Variants in IL1R1 observed in about 807,000 individuals in gnomAD.
IL1R1 encodes the protein interleukin 1 receptor type 1.
A neutral mutation model predicts 50.2 loss-of-function variants in IL1R1; 22 were observed. The observed-to-expected ratio is 0.44, with a 90% CI of 0.31 to 0.63. IL1R1 has a LOEUF of 0.63. Among genes scored for constraint, IL1R1 ranks in the 20% least tolerant of loss-of-function variants. The probability of loss-of-function intolerance (pLI) is 0.07; values close to 1 mark genes in which losing one functional copy is unlikely to be tolerated. For synonymous variants in IL1R1, 251 were observed against 236.7 expected, an observed-to-expected ratio of 1.06 and a Z score of -0.55; for missense variants, 509 against 676.2, an observed-to-expected ratio of 0.75 and a Z score of 2.74.
intron 1 of IL1R1, among the ~76,000 whole-genome samples, chr2:102,119,017 C>CA (rs56327525): frequency 0.33 from 24,358 of 74,210 alleles, 4,342 homozygotes; most frequent in East Asian, 0.43. Context: ...GACTGTGTCT[C>CA]AAAAAAAAAA....
At chr2:102,073,358 T>A (rs1678821674) in intron 1 of IL1R1, among the ~76,000 whole-genome samples, 1 of 152,066 alleles carries the variant, frequency 6.6e-6, no homozygotes, top group African/African-American at 2.4e-5. Flanking sequence ...CACCAAAAAG[T>A]CCACTAGGCA....
chr2:102,144,357 G>T (rs1320975490), intron 1 of IL1R1, among the ~76,000 whole-genome samples: 2 of 152,132 alleles, frequency 1.3e-5, no homozygotes, highest in Non-Finnish European at 2.9e-5. Flanking sequence ...CCTCCATGCT[G>T]TTCAGGAAAG....
At chr2:102,149,477 C>T (rs1024282538) in intron 1 of IL1R1, among the ~76,000 whole-genome samples, 1 of 152,212 alleles carries the variant, frequency 6.6e-6, no homozygotes, top group African/African-American at 2.4e-5. Context: ...GCGGGCTCTG[C>T]TCTGCAGCTT....
intron 1 of IL1R1, among the ~76,000 whole-genome samples, chr2:102,071,353 CTT>C (rs1374671096): frequency 1.3e-5 from 2 of 152,166 alleles, no homozygotes; most frequent in Admixed American, 6.5e-5. Context: ...ACTTTTCTCT[CTT>C]AACGACTTCT....
At position 102,125,574 on chromosome 2, in the gene IL1R1, A is replaced by G. The variant is rs185006881; in HGVS notation, c.-84+20702A>G. 2.3e-3 allele frequency among the ~76,000 whole-genome samples: 349 copies of G among 152,354 alleles called. 5 individuals carry two copies. The highest frequency in any genetic ancestry group is 0.023 in the Admixed American group (346 of 15,294). Reference sequence around the variant, plus strand: ...ACAAGGAAGAAGTGGGGTATCTAAAAGGGAGAAAGAAACACAGAAAGTTGG... The same window carrying G: ...ACAAGGAAGAAGTGGGGTATCTAAAGGGGAGAAAGAAACACAGAAAGTTGG... On this transcript the variant is annotated intron_variant, in intron 1 of 10. Coordinates refer to the IL1R1 transcript ENST00000409329.
At chr2:102,095,858 C>T (rs865843778) in intron 1 of IL1R1, among the ~76,000 whole-genome samples, 2 of 152,086 alleles carry the variant, frequency 1.3e-5, no homozygotes, top group South Asian at 2.1e-4. Context: ...GAAAAATTAG[C>T]TGGGTGTGGT....
At chr2:102,172,362 CT>C in intron 8 of IL1R1, 1 of 985,372 alleles carries the variant, frequency 1.0e-6, no homozygotes, top group Non-Finnish European at 1.2e-6. Context: ...CTGCAAAGCA[CT>C]TTGTCATCTG....
At chr2:102,084,401 G>A (rs74944848) in intron 1 of IL1R1, among the ~76,000 whole-genome samples, 1,997 of 152,218 alleles carry the variant, frequency 0.013, 39 homozygotes, top group African/African-American at 0.047. Flanking sequence ...AATAATAGAG[G>A]TTGCTCGGAA....
chr2:102,146,715 G>C (rs1163664373), intron 1 of IL1R1, among the ~76,000 whole-genome samples: 1 of 152,194 alleles, frequency 6.6e-6, no homozygotes, highest in African/African-American at 2.4e-5. Context: ...AAGGGAGTTG[G>C]GGGGCTAGGC....
intron 1 of IL1R1, among the ~76,000 whole-genome samples, chr2:102,076,956 T>C (rs1364478331): frequency 6.6e-6 from 1 of 152,202 alleles, no homozygotes; most frequent in Non-Finnish European, 1.5e-5. Flanking sequence ...TACATTGTTC[T>C]ACAATTCATT....
At chr2:102,107,920 C>A (rs537551468) in intron 1 of IL1R1, among the ~76,000 whole-genome samples, 2 of 152,048 alleles carry the variant, frequency 1.3e-5, no homozygotes, top group African/African-American at 4.8e-5. Flanking sequence ...GAATTTTTAC[C>A]GATTGAGTAA....
chr2:102,160,796 CT>C (rs1684649655), intron 3 of IL1R1, among the ~76,000 whole-genome samples: 1 of 152,190 alleles, frequency 6.6e-6, no homozygotes. Flanking sequence ...CTGGCCTAGG[CT>C]TTCCTTTTGT....
chr2:102,070,608 G>C (rs1442852322), intron 1 of IL1R1: 1 of 152,138 alleles, frequency 6.6e-6, no homozygotes, highest in African/African-American at 2.4e-5. Flanking sequence ...GAGTGGGAAG[G>C]CCCAGAGTTG....
chr2:102,107,009 A>G (rs985417263), intron 1 of IL1R1, among the ~76,000 whole-genome samples: 10 of 152,198 alleles, frequency 6.6e-5, no homozygotes, highest in Non-Finnish European at 1.3e-4. Context: ...AAATCCCCAG[A>G]GGTAGAATGG....
intron 1 of IL1R1, among the ~76,000 whole-genome samples, chr2:102,106,654 G>C (rs1319088782): frequency 6.6e-6 from 1 of 152,194 alleles, no homozygotes; most frequent in African/African-American, 2.4e-5. Context: ...ACACACCACT[G>C]TGAGGTAAAC....
intron 1 of IL1R1, among the ~76,000 whole-genome samples, chr2:102,095,051 C>T (rs1395861793): frequency 6.6e-6 from 1 of 152,118 alleles, no homozygotes; most frequent in African/African-American, 2.4e-5. Context: ...TATGACAATA[C>T]TTAACAGATA....
At chr2:102,163,540 T>A (rs973063364) in intron 3 of IL1R1, among the ~76,000 whole-genome samples, 1 of 152,182 alleles carries the variant, frequency 6.6e-6, no homozygotes, top group Admixed American at 6.5e-5. Context: ...ACATTATTGT[T>A]TTCATCTCTA....
chr2:102,106,934 C>A (rs559588196), intron 1 of IL1R1, among the ~76,000 whole-genome samples: 41 of 152,232 alleles, frequency 2.7e-4, no homozygotes, highest in African/African-American at 9.2e-4. Flanking sequence ...ACAACTAACA[C>A]CCTTGTAGCT....
intron 1 of IL1R1, among the ~76,000 whole-genome samples, chr2:102,092,304 T>C (rs1446497390): frequency 6.6e-6 from 1 of 152,108 alleles, no homozygotes; most frequent in Admixed American, 6.5e-5. Flanking sequence ...ATCTTAATCA[T>C]TGTCATTGTC....
Sources: allele counts gnomAD v4.1 joint callset (sites outside exome capture counted in the v4.1 genomes callset), GRCh38; gene constraint gnomAD v4.1.1; transcripts MANE v1.5; gene names NCBI Gene and HGNC (gene_info 2026-07-23, HGNC 2026-07-21).